Variants in UTP20 observed in about 807,000 individuals in gnomAD.
The protein encoded by UTP20 is small subunit processome component 20 homolog.
Under a neutral mutation model 329.5 loss-of-function variants are expected in UTP20, and 164 were observed. The observed-to-expected ratio is 0.50, with a 90% CI of 0.44 to 0.57. The LOEUF is 0.57. Ranked by LOEUF, UTP20 falls within the 20% of genes least tolerant of loss-of-function variation. The probability of loss-of-function intolerance (pLI) is 0.00; values close to 1 mark genes in which losing one functional copy is unlikely to be tolerated. For missense variants in UTP20, 3,055 were observed against 3,284.2 expected (o/e 0.93, Z 1.71); for synonymous variants, 1,151 against 1,159.3 (o/e 0.99, Z 0.14).
At chr12:101,321,679 A>C in intron 25 of UTP20, 50 bp downstream of exon 25, 1 of 1,590,804 alleles carries the variant, frequency 6.3e-7, no homozygotes, top group South Asian at 1.1e-5. Context: ...TAACAAACAC[A>C]ATTGTGAGTA....
At chr12:101,352,453 T>C (rs1869561917) in intron 39 of UTP20, among the ~76,000 whole-genome samples, 1 of 152,316 alleles carries the variant, frequency 6.6e-6, no homozygotes, top group East Asian at 1.9e-4. Context: ...TTTCTAGTTC[T>C]AGATCCCTGA....
intron 32 of UTP20, 116 bp downstream of exon 32, chr12:101,340,726 T>A: frequency 1.5e-6 from 1 of 667,482 alleles, no homozygotes; most frequent in Non-Finnish European, 2.6e-6. Context: ...GCAAGGAACT[T>A]AAAATACTTT....
At chr12:101,381,292 G>C (rs1870637775) in intron 58 of UTP20, 81 bp downstream of exon 58, 2 of 1,262,962 alleles carry the variant, frequency 1.6e-6, no homozygotes, top group East Asian at 4.6e-5. Context: ...AGCACTTTGA[G>C]AGGCCGAGGC....
chr12:101,282,378 A>G (rs1871828852), intron 2 of UTP20, among the ~76,000 whole-genome samples: 1 of 152,222 alleles, frequency 6.6e-6, no homozygotes, highest in Admixed American at 6.5e-5. Flanking sequence ...GGAGAAGCCT[A>G]TATAAAGGAA....
At chr12:101,280,461 G>C in intron 1 of UTP20, 134 bp downstream of exon 1, 1 of 1,083,472 alleles carries the variant, frequency 9.2e-7, no homozygotes. Context: ...CGGCGAAAGA[G>C]GGAGACACTG....
At chr12:101,350,723 G>A (rs1869487786) in intron 38 of UTP20, among the ~76,000 whole-genome samples, 2 of 152,100 alleles carry the variant, frequency 1.3e-5, no homozygotes, top group South Asian at 4.2e-4. Context: ...ATTTCACTCT[G>A]GCTGATAGGA....
chr12:101,346,000 G>A (rs1472051811), intron 37 of UTP20, among the ~76,000 whole-genome samples: 2 of 152,020 alleles, frequency 1.3e-5, no homozygotes, highest in African/African-American at 4.8e-5. Context: ...AGCAAATCAA[G>A]GCACAGGTGT....
At chr12:101,370,761 C>T (rs1291242454) in intron 50 of UTP20, among the ~76,000 whole-genome samples, 198 bp downstream of exon 50, 1 of 152,198 alleles carries the variant, frequency 6.6e-6, no homozygotes, top group African/African-American at 2.4e-5. Context: ...TCTGTATTAA[C>T]ATTTCCGGGG....
chr12:101,309,708 C>T, intron 18 of UTP20, 55 bp from the exon 19 acceptor site: 2 of 1,539,990 alleles, frequency 1.3e-6, no homozygotes, highest in East Asian at 2.3e-5. Flanking sequence ...TTCAGTACTT[C>T]TGTTCTATAC....
chr12:101,356,424 C>G (rs745765057), intron 41 of UTP20, 130 bp from the exon 42 acceptor site: 16 of 915,542 alleles, frequency 1.7e-5, no homozygotes, highest in Non-Finnish European at 2.5e-5. Flanking sequence ...CCGCACCCAG[C>G]CTTTTCTTTC....
At chr12:101,349,411 T>A (rs900099679) in intron 38 of UTP20, among the ~76,000 whole-genome samples, 15 of 151,172 alleles carry the variant, frequency 9.9e-5, no homozygotes, top group African/African-American at 3.7e-4. Context: ...TTTCTTTTTT[T>A]TTCTTTCTTT....
At chr12:101,330,616 G>C (rs1286618590) in intron 27 of UTP20, among the ~76,000 whole-genome samples, 1 of 152,186 alleles carries the variant, frequency 6.6e-6, no homozygotes, top group African/African-American at 2.4e-5. Flanking sequence ...AGTGTAATAA[G>C]GGCCATGGGA....
At chr12:101,324,585 A>G (rs1043329267) in intron 25 of UTP20, among the ~76,000 whole-genome samples, 2 of 152,106 alleles carry the variant, frequency 1.3e-5, no homozygotes, top group Non-Finnish European at 2.9e-5. Context: ...GCCACTTTTA[A>G]TATGCACTAA....
At chr12:101,375,839 A>T in intron 56 of UTP20, 83 bp downstream of exon 56, 3 of 831,302 alleles carry the variant, frequency 3.6e-6, no homozygotes, top group South Asian at 1.8e-5. Flanking sequence ...TTCGAATATG[A>T]ATACTTCAGA....
chr12:101,289,120 T>C (rs1362542464), intron 6 of UTP20, 79 bp downstream of exon 6: 21 of 1,267,338 alleles, frequency 1.7e-5, no homozygotes, highest in Non-Finnish European at 2.4e-5. Flanking sequence ...CTCATGCCTG[T>C]AATCCCAACA....
chr12:101,300,007 A>G lies in UTP20; in HGVS notation c.1621A>G (p.Thr541Ala), dbSNP rs780632896. Residue 541 changes from threonine to alanine, a missense_variant, in exon 14 of 62, where the codon ACC (threonine) becomes GCC (alanine). This residue lies in a region of UTP20 where 2,445 missense variants were observed against 2,575.5 expected (regional missense o/e 0.95). Transcript: ENST00000261637. ...GAAAGAGAAGGTGATACCACTCGTC[A>G]CCGGCTTCATAGAGGCACTCTTCAT... is the stretch of plus-strand genomic sequence containing the variant. Reference protein sequence around the residue: ...LEKEKVIPLVTGFIEALFMTV... With the variant: ...LEKEKVIPLVAGFIEALFMTV... 1 of 1,614,174 alleles carries G rather than the reference A, an allele frequency of 6.2e-7. No individual in the cohort carries two copies.
At chr12:101,357,801 G>A (rs1194053050) in intron 43 of UTP20, among the ~76,000 whole-genome samples, 2 of 152,120 alleles carry the variant, frequency 1.3e-5, no homozygotes, top group Non-Finnish European at 2.9e-5. Context: ...ACTCCAAGTA[G>A]TTACGTGGTA....
chr12:101,318,871 A>T (rs2137258530), intron 22 of UTP20, among the ~76,000 whole-genome samples: 1 of 150,062 alleles, frequency 6.7e-6, no homozygotes, highest in South Asian at 2.1e-4. Context: ...AGGCTCTCTG[A>T]TGCTGAAAGA....
intron 58 of UTP20, 32 bp downstream of exon 58, chr12:101,381,243 A>G (rs1870635766): frequency 1.3e-6 from 2 of 1,585,972 alleles, no homozygotes; most frequent in South Asian, 2.2e-5. Context: ...GTTTAAAAGA[A>G]GGGGCCGGCT....
Sources: gnomAD v4.1 joint callset for allele counts (sites outside exome capture counted in the v4.1 genomes callset) on GRCh38, gnomAD v4.1.1 for gene constraint, gnomAD v4.1.1 regional missense constraint, MANE v1.5 for transcripts, NCBI Gene and HGNC (gene_info 2026-07-23, HGNC 2026-07-21) for gene names.